Variants in CABCOCO1 observed in about 807,000 individuals in gnomAD.
The protein encoded by CABCOCO1 is ciliary-associated calcium-binding coiled-coil protein 1.
A neutral mutation model predicts 35.7 loss-of-function variants in CABCOCO1; 28 were observed. That is an observed-to-expected ratio of 0.78 (90% confidence interval 0.58 to 1.07). The LOEUF is 1.07. Among genes scored for constraint, CABCOCO1 ranks in the 50% least tolerant of loss-of-function variants. The pLI, the probability that CABCOCO1 is intolerant of heterozygous loss-of-function variation, is 0.00. For missense variants in CABCOCO1, 326 were observed against 309.2 expected, an observed-to-expected ratio of 1.05 and a Z score of -0.41; for synonymous variants, 95 against 100.1, an observed-to-expected ratio of 0.95 and a Z score of 0.30.
intron 5 of CABCOCO1, among the ~76,000 whole-genome samples, chr10:61,754,136 G>A (rs943188426): frequency 2.6e-5 from 4 of 151,966 alleles, no homozygotes; most frequent in African/African-American, 9.7e-5. Flanking sequence ...ACATTATCTA[G>A]TTTGTGCTTG....
intron 3 of CABCOCO1, among the ~76,000 whole-genome samples, chr10:61,682,885 A>ATTTCTTTTT (rs1437286041): frequency 4.6e-5 from 2 of 43,626 alleles, no homozygotes; most frequent in Admixed American, 6.2e-4. Flanking sequence ...TTTCACATGA[A>ATTTCTTTTT]TTTCTTTTTT....
At chr10:61,707,066 C>A (rs746746501) in intron 5 of CABCOCO1, among the ~76,000 whole-genome samples, 7 of 152,090 alleles carry the variant, frequency 4.6e-5, no homozygotes, top group Non-Finnish European at 7.4e-5. Context: ...CAGGAGTGGC[C>A]TCAGGAAACT....
At chr10:61,751,353 T>C (rs1046389448) in intron 5 of CABCOCO1, among the ~76,000 whole-genome samples, 15 of 151,100 alleles carry the variant, frequency 9.9e-5, no homozygotes, top group Non-Finnish European at 2.1e-4. Flanking sequence ...TGGAGTTGAA[T>C]CCTTCAAAAA....
chr10:61,709,715 G>C (rs1181291633), intron 5 of CABCOCO1, among the ~76,000 whole-genome samples: 1 of 151,516 alleles, frequency 6.6e-6, no homozygotes, highest in Non-Finnish European at 1.5e-5. Flanking sequence ...AATGTATAGA[G>C]ACAACAACTC....
chr10:61,676,423 C>T (rs1390279190), intron 2 of CABCOCO1, among the ~76,000 whole-genome samples: 2 of 152,040 alleles, frequency 1.3e-5, no homozygotes, highest in Non-Finnish European at 2.9e-5. Context: ...AGAACATCAA[C>T]AAAAATAGGC....
chr10:61,760,011 T>C (rs1841973621), intron 5 of CABCOCO1, 48 bp from the exon 6 acceptor site: 1 of 1,607,634 alleles, frequency 6.2e-7, no homozygotes, highest in Non-Finnish European at 8.5e-7. Flanking sequence ...GAAACTGTGG[T>C]TGCTCACCAA....
At chr10:61,669,033 A>AAAAAAAAAAAAAAAAAT (rs398013742) in intron 1 of CABCOCO1, among the ~76,000 whole-genome samples, 5 of 150,152 alleles carry the variant, frequency 3.3e-5, no homozygotes, top group Admixed American at 6.6e-5. Context: ...AAAAAAAAAA[A>AAAAAAAAAAAAAAAAAT]CACCTTCCAA....
intron 5 of CABCOCO1, among the ~76,000 whole-genome samples, chr10:61,708,374 G>A (rs568390209): frequency 6.6e-6 from 1 of 151,998 alleles, no homozygotes; most frequent in South Asian, 2.1e-4. Context: ...TTTGCAGTAG[G>A]TTCCTCCTCA....
In CABCOCO1 at chr10:61,722,760, C is replaced by T. The variant is rs568942720; in HGVS notation, c.552+32139C>T. 3.3e-5 allele frequency among the ~76,000 whole-genome samples: 5 copies of T among 150,862 alleles called. No homozygotes were observed. In the South Asian group the frequency reaches 8.4e-4, roughly 25 times the overall value. On this transcript the variant is annotated intron_variant, in intron 5 of 7. Coordinates refer to ENST00000648843, the MANE Select transcript of CABCOCO1 (RefSeq NM_001366906.2). ...GGATAAGCACCAATACAAAAAAATACGTAAATTAGAAAGCAGCAATGGCCA... is the reference window on the plus strand; with the variant it reads ...GGATAAGCACCAATACAAAAAAATATGTAAATTAGAAAGCAGCAATGGCCA...
chr10:61,764,131 A>G (rs1177137607), intron 7 of CABCOCO1, among the ~76,000 whole-genome samples: 1 of 152,096 alleles, frequency 6.6e-6, no homozygotes, highest in Non-Finnish European at 1.5e-5. Context: ...TGGTAGTGAA[A>G]CAGAAACTGG....
intron 5 of CABCOCO1, among the ~76,000 whole-genome samples, chr10:61,745,991 C>T (rs1396918106): frequency 6.6e-6 from 1 of 152,148 alleles, no homozygotes; most frequent in Non-Finnish European, 1.5e-5. Context: ...AAGGATCACA[C>T]CAATTACCAT....
At position 61,760,288 on chromosome 10, in the gene CABCOCO1, T is replaced by C. The variant is rs367600918; in HGVS notation, c.675+107T>C. The C allele has an allele frequency of 1.9e-4, 258 of 1,393,134 alleles. No individual in the cohort carries two copies. In the Middle Eastern group the frequency reaches 2.0e-3, roughly 11 times the overall value. 86.3% of individuals were successfully genotyped at this position (1,393,134 alleles called of 1,614,324 possible). On this transcript the variant is annotated intron_variant, in intron 6 of 7. Coordinates refer to ENST00000648843, the MANE Select transcript of CABCOCO1 (RefSeq NM_001366906.2). ...CTTCATTTTCTTTGCCTCTGATTTT[T>C]CCCAACCAAATACAAATATTTCTCT... is the stretch of plus-strand genomic sequence containing the variant.
At chr10:61,684,631 C>T (rs935729998) in intron 3 of CABCOCO1, among the ~76,000 whole-genome samples, 1 of 152,110 alleles carries the variant, frequency 6.6e-6, no homozygotes, top group Non-Finnish European at 1.5e-5. Context: ...CCCCAGATCC[C>T]ACATTCAGGC....
At chr10:61,760,315 A>C in intron 6 of CABCOCO1, 134 bp downstream of exon 6, 1 of 1,253,082 alleles carries the variant, frequency 8.0e-7, no homozygotes, top group South Asian at 1.5e-5. Context: ...TATTTCTCTA[A>C]GTGTTGATTC....
At chr10:61,757,461 C>T (rs917604959) in intron 5 of CABCOCO1, among the ~76,000 whole-genome samples, 1 of 151,972 alleles carries the variant, frequency 6.6e-6, no homozygotes, top group African/African-American at 2.4e-5. Context: ...GGGTTTGGTT[C>T]ACTAATAGTA....
intron 5 of CABCOCO1, among the ~76,000 whole-genome samples, chr10:61,694,004 A>G (rs867069995): frequency 6.6e-6 from 1 of 152,002 alleles, no homozygotes; most frequent in Non-Finnish European, 1.5e-5. Flanking sequence ...TTATGAGATA[A>G]TCGAGGCATA....
At chr10:61,706,310 C>G (rs111466600) in intron 5 of CABCOCO1, among the ~76,000 whole-genome samples, 2 of 152,064 alleles carry the variant, frequency 1.3e-5, no homozygotes, top group Non-Finnish European at 1.5e-5. Context: ...GAGAAGGGAA[C>G]GCAGTTCATT....
chr10:61,674,487 G>A (rs1253427124), intron 2 of CABCOCO1, among the ~76,000 whole-genome samples: 1 of 152,128 alleles, frequency 6.6e-6, no homozygotes, highest in African/African-American at 2.4e-5. Context: ...TTCTTTACAT[G>A]ATTTTCGTAA....
intron 5 of CABCOCO1, among the ~76,000 whole-genome samples, chr10:61,720,539 A>G (rs915760366): frequency 6.6e-6 from 1 of 152,260 alleles, no homozygotes; most frequent in Non-Finnish European, 1.5e-5. Flanking sequence ...AGATTAATCC[A>G]AATAAAAACG....
Sources: gnomAD v4.1 joint callset for allele counts (sites outside exome capture counted in the v4.1 genomes callset) on GRCh38, gnomAD v4.1.1 for gene constraint, MANE v1.5 for transcripts, NCBI Gene and HGNC (gene_info 2026-07-23, HGNC 2026-07-21) for gene names.